Variants in CSNK2A1 observed in about 807,000 individuals in gnomAD.
The protein encoded by CSNK2A1 is casein kinase II subunit alpha.
In CSNK2A1, 10 loss-of-function variants were observed where a neutral mutation model predicts 62.9. The ratio of observed to expected loss-of-function variants is 0.16; its 90% CI spans 0.10 to 0.27. CSNK2A1 has a LOEUF of 0.27. Among genes scored for constraint, CSNK2A1 ranks in the 10% least tolerant of loss-of-function variants. The pLI is 1.00. For synonymous variants in CSNK2A1, 124 were observed against 167.8 expected (o/e 0.74, Z 2.02); for missense variants, 160 against 492.0 (o/e 0.33, Z 6.38).
chr20:518,334 A>T (rs1316759869), intron 2 of CSNK2A1, among the ~76,000 whole-genome samples: 1 of 152,174 alleles, frequency 6.6e-6, no homozygotes, highest in Non-Finnish European at 1.5e-5. Flanking sequence ...GTGGGACTTC[A>T]GAGGCATACT....
intron 9 of CSNK2A1, among the ~76,000 whole-genome samples, chr20:491,288 G>A (rs1403479563): frequency 2.0e-5 from 3 of 152,148 alleles, no homozygotes; most frequent in East Asian, 3.8e-4. Flanking sequence ...GGCTTTTTGG[G>A]GGAGCTGGGG....
rs1410226643 is a variant in CSNK2A1, at chr20:473,596, T to G, written c.*10365A>C. 6.6e-6 allele frequency: 1 copy of G among 152,222 alleles called. No homozygotes were observed. The highest frequency in any genetic ancestry group is 1.9e-4 in the East Asian group (1 of 5,178). The allele number at this position is 152,222 out of a possible 1,614,324, so 9.4% of individuals were successfully genotyped here. ...GTGATCCTTTCACAGTAGCTGCCATTGTCTTCTTCCAGATCTTGAGACATT... is the reference window on the plus strand; with the variant it reads ...GTGATCCTTTCACAGTAGCTGCCATGGTCTTCTTCCAGATCTTGAGACATT... On this transcript the variant is annotated 3_prime_UTR_variant, in exon 14 of 14. Coordinates refer to ENST00000217244, the MANE Select transcript of CSNK2A1 (RefSeq NM_177559.3).
At chr20:517,127 G>A (rs1192155586) in intron 2 of CSNK2A1, among the ~76,000 whole-genome samples, 2 of 152,210 alleles carry the variant, frequency 1.3e-5, no homozygotes, top group African/African-American at 4.8e-5. Flanking sequence ...AACTCAGCGA[G>A]ACCTTAAATA....
chr20:492,383 T>C lies in CSNK2A1; in HGVS notation c.511-19A>G. 1.2e-6 allele frequency: 2 copies of C among 1,612,378 alleles called. No individual in the cohort carries two copies. Among genetic ancestry groups the C allele is most frequent in the Non-Finnish European group, 1.7e-6 (2 of 1,178,610 alleles). ...GTCGTAGCTGAAAAAGAATAAACCA[T>C]GAGCAATCTTATCTTTCTCTAAGCT... On this transcript the variant is annotated intron_variant, in intron 8 of 13. Coordinates refer to ENST00000217244, the MANE Select transcript of CSNK2A1 (RefSeq NM_177559.3).
chr20:488,842 A>G (rs2018156025), intron 10 of CSNK2A1, 64 bp from the exon 11 acceptor site: 1 of 1,442,744 alleles, frequency 6.9e-7, no homozygotes, highest in South Asian at 1.2e-5. Context: ...TCAACAATTA[A>G]CAATGATTGA....
chr20:530,619 G>A (rs1473976220), intron 1 of CSNK2A1, among the ~76,000 whole-genome samples: 1 of 151,966 alleles, frequency 6.6e-6, no homozygotes, highest in East Asian at 1.9e-4. Flanking sequence ...GACTATGGGT[G>A]TGCGCCACCA....
chr20:490,906 A>C (rs2018218848), intron 9 of CSNK2A1, among the ~76,000 whole-genome samples: 2 of 151,754 alleles, frequency 1.3e-5, no homozygotes, highest in Admixed American at 1.3e-4. Context: ...AAAAAAAAAA[A>C]AAAAACCTCC....
At chr20:511,340 A>G (rs1194094912) in intron 2 of CSNK2A1, among the ~76,000 whole-genome samples, 1 of 151,906 alleles carries the variant, frequency 6.6e-6, no homozygotes, top group Admixed American at 6.6e-5. Flanking sequence ...GACCTCATCT[A>G]AAAAAAATAA....
intron 2 of CSNK2A1, among the ~76,000 whole-genome samples, chr20:519,946 T>C (rs1038218212): frequency 6.6e-6 from 1 of 152,152 alleles, no homozygotes; most frequent in Admixed American, 6.5e-5. Context: ...TCTTTTATTA[T>C]ATGAAAAGAA....
At chr20:487,232 G>A (rs1006069146) in intron 12 of CSNK2A1, 195 bp downstream of exon 12, 3 of 699,224 alleles carry the variant, frequency 4.3e-6, no homozygotes, top group Admixed American at 2.9e-5. Context: ...ATGCTCTTGT[G>A]TCATGTATTC....
intron 2 of CSNK2A1, among the ~76,000 whole-genome samples, chr20:526,271 G>C (rs2019088286): frequency 6.6e-6 from 1 of 152,006 alleles, no homozygotes; most frequent in East Asian, 1.9e-4. Flanking sequence ...AGGAGTTTGA[G>C]ATCAGCCTGG....
chr20:510,017 A>G (rs2018684509), intron 2 of CSNK2A1, among the ~76,000 whole-genome samples: 2 of 152,254 alleles, frequency 1.3e-5, no homozygotes, highest in Admixed American at 1.3e-4. Flanking sequence ...CATAAATGCA[A>G]TACTCTAGAC....
chr20:492,499 T>C (rs967544062), intron 8 of CSNK2A1, 135 bp from the exon 9 acceptor site: 4 of 771,470 alleles, frequency 5.2e-6, no homozygotes, highest in East Asian at 5.4e-5. Context: ...TTATAGCCTT[T>C]AGAATGAAAA....
chr20:525,914 AG>A (rs1170173931), intron 2 of CSNK2A1, among the ~76,000 whole-genome samples: 2 of 146,098 alleles, frequency 1.4e-5, no homozygotes, highest in Non-Finnish European at 3.0e-5. Context: ...CTGAGATGGG[AG>A]GAACACTTGA....
In CSNK2A1 at chr20:499,132, G is replaced by A; in HGVS notation, c.366+123C>T. On this transcript the variant is annotated intron_variant, in intron 6 of 13. Transcript: ENST00000217244. The surrounding 1 kb of genome is among the most constrained non-coding windows in gnomAD (Gnocchi z 4.2). ...TAGGAGTTCTTCTATCTTAAAATTT[G>A]CACTGTAAGGATGAAAAGCTTTTTA... 1 of 719,820 alleles carries A rather than the reference G, an allele frequency of 1.4e-6. No individual in the cohort carries two copies. The allele number at this position is 719,820 out of a possible 1,614,324, so 44.6% of individuals were successfully genotyped here.
intron 2 of CSNK2A1, among the ~76,000 whole-genome samples, chr20:527,172 T>A (rs1318102295): frequency 6.6e-6 from 1 of 152,122 alleles, no homozygotes; most frequent in Non-Finnish European, 1.5e-5. Context: ...GGTAAAAAGA[T>A]AAGACAATAT....
At chr20:533,793 G>C (rs1173302633) in intron 1 of CSNK2A1, among the ~76,000 whole-genome samples, 2 of 152,174 alleles carry the variant, frequency 1.3e-5, no homozygotes, top group African/African-American at 4.8e-5. Flanking sequence ...CATAGCAACA[G>C]TGTGAGGTCT....
chr20:519,909 G>A (rs942502526), intron 2 of CSNK2A1, among the ~76,000 whole-genome samples: 2 of 152,132 alleles, frequency 1.3e-5, no homozygotes, highest in Non-Finnish European at 2.9e-5. Flanking sequence ...GTGTATTGAG[G>A]AGATTTCAAA....
chr20:523,150 C>T (rs1232853561), intron 2 of CSNK2A1, among the ~76,000 whole-genome samples: 2 of 152,066 alleles, frequency 1.3e-5, no homozygotes, highest in African/African-American at 4.8e-5. Context: ...GGATGAGATG[C>T]TAGAGAAGAT....
Sources: allele counts gnomAD v4.1 joint callset (sites outside exome capture counted in the v4.1 genomes callset), GRCh38; gene constraint gnomAD v4.1.1; non-coding constraint Gnocchi (gnomAD v3.1); transcripts MANE v1.5; gene names NCBI Gene and HGNC (gene_info 2026-07-23, HGNC 2026-07-21).